The following WASF2 variants were observed in gnomAD, a reference collection of about 807,000 sequenced individuals.
The protein encoded by WASF2 is actin-binding protein WASF2.
WASF2 carries 14 observed loss-of-function variants against 45.0 expected under a neutral mutation model. The ratio of observed to expected loss-of-function variants is 0.31; its 90% CI spans 0.21 to 0.49. The LOEUF (loss-of-function observed/expected upper bound fraction) is 0.49, where lower values mean the gene tolerates loss of function less well. Among genes scored for constraint, WASF2 ranks in the 20% least tolerant of loss-of-function variants. WASF2 has a pLI of 0.99. For synonymous variants in WASF2, 200 were observed against 236.3 expected, an observed-to-expected ratio of 0.85 and a Z score of 1.41; for missense variants, 439 against 636.1, an observed-to-expected ratio of 0.69 and a Z score of 3.33.
chr1:27,453,329 C>T (rs977810246), intron 1 of WASF2, among the ~76,000 whole-genome samples: 2 of 151,956 alleles, frequency 1.3e-5, no homozygotes, highest in African/African-American at 4.8e-5. Context: ...TGGTGGCTCA[C>T]GCCTATAATC....
At chr1:27,447,251 T>G (rs1169188160) in intron 1 of WASF2, among the ~76,000 whole-genome samples, 1 of 152,234 alleles carries the variant, frequency 6.6e-6, no homozygotes, top group East Asian at 1.9e-4. Context: ...GCGGCATGAA[T>G]AGATAAGCTG....
intron 1 of WASF2, among the ~76,000 whole-genome samples, chr1:27,452,428 G>T (rs950819577): frequency 7.9e-5 from 12 of 152,158 alleles, no homozygotes; most frequent in African/African-American, 2.9e-4. Context: ...CAGGAGAATC[G>T]CTTGAACCAG....
intron 1 of WASF2, among the ~76,000 whole-genome samples, chr1:27,481,380 C>G (rs757655319): frequency 3.9e-5 from 6 of 151,962 alleles, no homozygotes; most frequent in Non-Finnish European, 7.4e-5. Flanking sequence ...TGCTTTTTCT[C>G]AAAAAGCCTT....
chr1:27,416,530 T>C (rs2504766), intron 4 of WASF2, among the ~76,000 whole-genome samples: 149,777 of 152,356 alleles, frequency 0.98, 73,665 homozygotes, highest in Middle Eastern at 1. Context: ...TCCCACCCAC[T>C]GGAAACCTGT....
At chr1:27,443,018 G>C (rs868793458) in intron 1 of WASF2, among the ~76,000 whole-genome samples, 1 of 139,364 alleles carries the variant, frequency 7.2e-6, no homozygotes, top group Admixed American at 7.2e-5. Flanking sequence ...AAAAAAATTA[G>C]CCAGGCACGG....
intron 2 of WASF2, among the ~76,000 whole-genome samples, chr1:27,426,080 G>A (rs1262470636): frequency 6.6e-6 from 1 of 152,118 alleles, no homozygotes; most frequent in African/African-American, 2.4e-5. Context: ...AATGAGGCTA[G>A]AAAGGAAGGC....
At chr1:27,467,237 AACACACAC>A (rs949862642) in intron 1 of WASF2, among the ~76,000 whole-genome samples, 1 of 148,298 alleles carries the variant, frequency 6.7e-6, no homozygotes, top group South Asian at 2.1e-4. Context: ...AAAAAACCAA[AACACACAC>A]ACACACACAC....
intron 1 of WASF2, among the ~76,000 whole-genome samples, chr1:27,463,239 G>A (rs1259132787): frequency 6.6e-6 from 1 of 152,120 alleles, no homozygotes; most frequent in Non-Finnish European, 1.5e-5. Flanking sequence ...AAAATATATT[G>A]TGCATATCAA....
intron 1 of WASF2, among the ~76,000 whole-genome samples, chr1:27,442,213 T>C (rs1174464787): frequency 6.6e-6 from 1 of 152,000 alleles, no homozygotes; most frequent in African/African-American, 2.4e-5. Context: ...CTGGATCCCA[T>C]AAACATATAC....
chr1:27,418,254 C>G lies in WASF2; in HGVS notation c.419+15G>C. 3 of 1,606,918 alleles carry G rather than the reference C, an allele frequency of 1.9e-6. No individual in the cohort carries two copies. Among genetic ancestry groups the G allele is most frequent in the Non-Finnish European group, 1.7e-6 (2 of 1,177,176 alleles). ...AACCATAGGTTGAAAAAGGGAGGAACTAGCCAGCCATTACCTGTAAGGGGT... is the reference window on the plus strand; with the variant it reads ...AACCATAGGTTGAAAAAGGGAGGAAGTAGCCAGCCATTACCTGTAAGGGGT... On this transcript the variant is annotated intron_variant, in intron 4 of 8. Coordinates refer to ENST00000618852, the MANE Select transcript of WASF2 (RefSeq NM_006990.5).
chr1:27,440,588 A>C (rs2017210619), intron 1 of WASF2, among the ~76,000 whole-genome samples: 1 of 152,086 alleles, frequency 6.6e-6, no homozygotes, highest in South Asian at 2.1e-4. Context: ...AAATATAAAC[A>C]TATTATTTTA....
At chr1:27,477,535 G>A (rs954165950) in intron 1 of WASF2, among the ~76,000 whole-genome samples, 1 of 151,440 alleles carries the variant, frequency 6.6e-6, no homozygotes. Context: ...GCAAGACTTC[G>A]TCTCAAAAAA....
intron 1 of WASF2, among the ~76,000 whole-genome samples, chr1:27,479,551 GTTTAC>G (rs2017817724): frequency 6.6e-6 from 1 of 152,254 alleles, no homozygotes; most frequent in Non-Finnish European, 1.5e-5. Flanking sequence ...CTCAGAACCA[GTTTAC>G]TTTATCTATA....
At position 27,405,599 on chromosome 1, in the gene WASF2, CTTTTTTTTTTTTTTTTTTTTTTT is replaced by C. The variant is rs769753375; in HGVS notation, c.*2567_*2589del. ...TAAAGGGCTCTGGGTCTAAAGAAGCCTTTTTTTTTTTTTTTTTTTTTTTTTTTTTTTTGGTGCATATGCATAAG... is the reference window on the plus strand; with the variant it reads ...TAAAGGGCTCTGGGTCTAAAGAAGCCTTTTTTTTTGGTGCATATGCATAAG... On this transcript the variant is annotated 3_prime_UTR_variant, in exon 9 of 9. Coordinates refer to ENST00000618852, the MANE Select transcript of WASF2 (RefSeq NM_006990.5). The C allele has an allele frequency of 1.8e-5, 1 of 56,638 alleles. No individual in the cohort carries two copies. Among genetic ancestry groups the C allele is most frequent in the Non-Finnish European group, 3.3e-5 (1 of 29,874 alleles). The allele number at this position is 56,638 out of a possible 1,614,324, so 3.5% of individuals were successfully genotyped here.
intron 1 of WASF2, among the ~76,000 whole-genome samples, chr1:27,484,814 A>AAAAAAAAAAGAAAAG (rs1453867723): frequency 6.6e-6 from 1 of 151,258 alleles, no homozygotes; most frequent in African/African-American, 2.5e-5. Flanking sequence ...TCTGTCTCAA[A>AAAAAAAAAAGAAAAG]AAAAAAAAGA....
chr1:27,450,163 T>A (rs2017365379), intron 1 of WASF2, among the ~76,000 whole-genome samples: 1 of 132,472 alleles, frequency 7.5e-6, no homozygotes, highest in Non-Finnish European at 1.6e-5. Context: ...AAAAAAAAAT[T>A]AGAGACCAAG....
chr1:27,483,441 C>A (rs1013437562), intron 1 of WASF2, among the ~76,000 whole-genome samples: 1 of 151,676 alleles, frequency 6.6e-6, no homozygotes, highest in East Asian at 1.9e-4. Flanking sequence ...ATTGTTCTAG[C>A]CTGGGCAGCA....
intron 6 of WASF2, 61 bp from the exon 7 acceptor site, chr1:27,412,788 T>G (rs1478147969): frequency 1.9e-6 from 3 of 1,594,116 alleles, no homozygotes; most frequent in African/African-American, 2.7e-5. Flanking sequence ...TTTTTTCTTC[T>G]TAAAAGGTAC....
intron 1 of WASF2, among the ~76,000 whole-genome samples, chr1:27,484,690 T>C (rs1464504964): frequency 6.6e-6 from 1 of 151,752 alleles, no homozygotes; most frequent in East Asian, 1.9e-4. Flanking sequence ...CGGGCACCTG[T>C]AGTCCCAGCT....
Sources: allele counts gnomAD v4.1 joint callset (sites outside exome capture counted in the v4.1 genomes callset), GRCh38; gene constraint gnomAD v4.1.1; transcripts MANE v1.5; gene names NCBI Gene and HGNC (gene_info 2026-07-23, HGNC 2026-07-21).